Variants in LEPR observed in about 807,000 individuals in gnomAD.
LEPR encodes the protein leptin receptor.
A neutral mutation model predicts 114.7 loss-of-function variants in LEPR; 56 were observed. The observed-to-expected ratio is 0.49, with a 90% CI of 0.39 to 0.61. The LOEUF is 0.61. LEPR is among the 20% of genes least tolerant of loss of function. The probability of loss-of-function intolerance (pLI) is 0.00; values close to 1 mark genes in which losing one functional copy is unlikely to be tolerated. For synonymous variants in LEPR, 443 were observed against 461.4 expected, an observed-to-expected ratio of 0.96 and a Z score of 0.51; for missense variants, 1,202 against 1,352.9, an observed-to-expected ratio of 0.89 and a Z score of 1.75.
At chr1:65,596,632 G>A (rs766773988) in intron 7 of LEPR, 39 bp downstream of exon 7, 1 of 1,585,922 alleles carries the variant, frequency 6.3e-7, no homozygotes, top group Non-Finnish European at 8.6e-7. Context: ...AAGTTGAGAA[G>A]TAAATAAAGA....
chr1:65,604,312 T>TTTATTTATTTAGATGGA (rs1215301126), intron 10 of LEPR, among the ~76,000 whole-genome samples: 2 of 152,032 alleles, frequency 1.3e-5, no homozygotes, highest in Non-Finnish European at 2.9e-5. Context: ...GGAGTGAAAT[T>TTTATTTATTTAGATGGA]GTCTGTATTT....
chr1:65,548,768 C>G (rs1398742327), intron 2 of LEPR, among the ~76,000 whole-genome samples: 4 of 151,658 alleles, frequency 2.6e-5, no homozygotes, highest in Non-Finnish European at 5.9e-5. Context: ...ATCCAATTTT[C>G]CAGTCTGTGT....
intron 2 of LEPR, among the ~76,000 whole-genome samples, chr1:65,456,246 C>T (rs1046668725): frequency 1.3e-5 from 2 of 151,982 alleles, no homozygotes; most frequent in Non-Finnish European, 2.9e-5. Flanking sequence ...CCGTCTTCTG[C>T]GTGGCTCACG....
intron 2 of LEPR, among the ~76,000 whole-genome samples, chr1:65,491,326 A>C (rs1231298953): frequency 6.6e-6 from 1 of 152,128 alleles, no homozygotes; most frequent in Non-Finnish European, 1.5e-5. Context: ...CACGAAGATC[A>C]AAGAACTCTA....
chr1:65,634,824 G>C, intron 19 of LEPR: 1 of 897,002 alleles, frequency 1.1e-6, no homozygotes, highest in Non-Finnish European at 1.3e-6. Context: ...TAAGAAAAAA[G>C]AAAATGAGCA....
intron 2 of LEPR, among the ~76,000 whole-genome samples, chr1:65,505,577 C>T (rs1199861776): frequency 6.6e-6 from 1 of 151,974 alleles, no homozygotes; most frequent in East Asian, 1.9e-4. Context: ...CGTTTTAACC[C>T]AAGTCTTTCC....
intron 19 of LEPR, among the ~76,000 whole-genome samples, chr1:65,625,170 G>A (rs1204881632): frequency 6.6e-6 from 1 of 152,150 alleles, no homozygotes; most frequent in East Asian, 1.9e-4. Flanking sequence ...CACATGGTGA[G>A]TATTTATATG....
At chr1:65,565,187 C>T (rs570146758) in intron 2 of LEPR, among the ~76,000 whole-genome samples, 11 of 152,168 alleles carry the variant, frequency 7.2e-5, no homozygotes, top group South Asian at 4.2e-4. Flanking sequence ...AAATTGAAGA[C>T]GGTGATATTA....
chr1:65,618,710 T>C (rs1424381279), intron 16 of LEPR, among the ~76,000 whole-genome samples: 1 of 152,186 alleles, frequency 6.6e-6, no homozygotes, highest in Non-Finnish European at 1.5e-5. Flanking sequence ...ATATATCCTA[T>C]CCTATCATAT....
At chr1:65,543,202 C>T (rs918083450) in intron 2 of LEPR, among the ~76,000 whole-genome samples, 13 of 152,032 alleles carry the variant, frequency 8.6e-5, no homozygotes, top group African/African-American at 3.1e-4. Flanking sequence ...TTGCATTTCT[C>T]AAATGACCAG....
At chr1:65,550,700 A>G (rs1330240668) in intron 2 of LEPR, among the ~76,000 whole-genome samples, 1 of 152,008 alleles carries the variant, frequency 6.6e-6, no homozygotes, top group Non-Finnish European at 1.5e-5. Flanking sequence ...GAGTGACCCG[A>G]TTTTCCAGGT....
At chr1:65,558,258 C>G (rs1193081027) in intron 2 of LEPR, among the ~76,000 whole-genome samples, 1 of 152,054 alleles carries the variant, frequency 6.6e-6, no homozygotes, top group Non-Finnish European at 1.5e-5. Flanking sequence ...GTACTGATTT[C>G]TAGAAATCCT....
chr1:65,556,913 C>T (rs538052992), intron 2 of LEPR, among the ~76,000 whole-genome samples: 1 of 152,260 alleles, frequency 6.6e-6, no homozygotes, highest in Non-Finnish European at 1.5e-5. Flanking sequence ...AATAAGATCA[C>T]TGTGACTACT....
intron 2 of LEPR, among the ~76,000 whole-genome samples, chr1:65,429,692 A>G (rs1646449179): frequency 6.6e-6 from 1 of 152,234 alleles, no homozygotes. Context: ...TAAAATTATC[A>G]CTACTTATCT....
At position 65,548,637 on chromosome 1, in the gene LEPR, CT is replaced by C. The variant is rs1296149162; in HGVS notation, c.-20-16902del. 4.6e-5 allele frequency among the ~76,000 whole-genome samples: 7 copies of C among 152,058 alleles called. No homozygotes were observed. In the South Asian group the frequency reaches 6.2e-4, roughly 14 times the overall value. Reference sequence around the variant, plus strand: ...CAGAGACTAGGATTGCAACCCCGGTCTTTTTTTGTTTTCCATTTGCTTGGTA... The same window carrying C: ...CAGAGACTAGGATTGCAACCCCGGTCTTTTTTGTTTTCCATTTGCTTGGTA... On this transcript the variant is annotated intron_variant, in intron 2 of 19. Coordinates refer to ENST00000349533, the MANE Select transcript of LEPR (RefSeq NM_002303.6).
chr1:65,609,900 C>T (rs1203470746), intron 12 of LEPR, 47 bp from the exon 13 acceptor site: 6 of 1,612,996 alleles, frequency 3.7e-6, no homozygotes, highest in East Asian at 2.2e-5. Context: ...CCTTTAGATA[C>T]ATATGTGTTG....
At position 65,641,207 on chromosome 1, in the gene LEPR, A is replaced by T. The variant is rs1644865060; in HGVS notation, c.*4192A>T. The T allele has an allele frequency of 6.6e-6, 1 of 152,254 alleles. No homozygotes were observed. The highest frequency in any genetic ancestry group is 1.5e-5 in the Non-Finnish European group (1 of 68,048). 9.4% of individuals were successfully genotyped at this position (152,254 alleles called of 1,614,324 possible). On this transcript the variant is annotated 3_prime_UTR_variant, in exon 20 of 20. Transcript: ENST00000349533. ...GATGTATGGCATTAAATTCAATTTT[A>T]TGAGGCTTTCTGACATATTTACTAA... is the stretch of plus-strand genomic sequence containing the variant.
chr1:65,488,228 C>T (rs868550971), intron 2 of LEPR, among the ~76,000 whole-genome samples: 1,437 of 57,840 alleles, frequency 0.025, 120 homozygotes, highest in African/African-American at 0.082. Flanking sequence ...CTCTCTCTCT[C>T]TTTCTTTCTT....
chr1:65,507,437 T>TTGTGTGTA (rs1553159538), intron 2 of LEPR, among the ~76,000 whole-genome samples: 1 of 138,776 alleles, frequency 7.2e-6, no homozygotes, highest in Non-Finnish European at 1.5e-5. Flanking sequence ...TAGTATTCCA[T>TTGTGTGTA]TGTGTGTGTG....
Sources: allele counts gnomAD v4.1 joint callset (sites outside exome capture counted in the v4.1 genomes callset), GRCh38; gene constraint gnomAD v4.1.1; transcripts MANE v1.5; gene names NCBI Gene and HGNC (gene_info 2026-07-23, HGNC 2026-07-21).